CLCC1: variants seen among roughly 807,000 people sequenced by gnomAD.
CLCC1 encodes chloride channel CLIC-like protein 1.
A neutral mutation model predicts 63.3 loss-of-function variants in CLCC1; 39 were observed. That is an observed-to-expected ratio of 0.62 (90% confidence interval 0.48 to 0.81). The LOEUF (loss-of-function observed/expected upper bound fraction) is 0.81, where lower values mean the gene tolerates loss of function less well. CLCC1 is among the 30% of genes least tolerant of loss of function. The probability of loss-of-function intolerance (pLI) is 0.00; values close to 1 mark genes in which losing one functional copy is unlikely to be tolerated. For missense variants in CLCC1, 549 were observed against 669.4 expected, an observed-to-expected ratio of 0.82 and a Z score of 1.98; for synonymous variants, 217 against 239.8, an observed-to-expected ratio of 0.90 and a Z score of 0.88.
intron 2 of CLCC1, among the ~76,000 whole-genome samples, chr1:108,953,531 T>C (rs1268223641): frequency 1.3e-5 from 2 of 152,174 alleles, no homozygotes; most frequent in Non-Finnish European, 2.9e-5. Context: ...TAGGGAAAGA[T>C]AGTATCTTAC....
chr1:108,931,188 T>C lies in CLCC1; in HGVS notation c.*1359A>G, dbSNP rs886321348. On this transcript the variant is annotated 3_prime_UTR_variant, in exon 13 of 13. Transcript: ENST00000369969. ...AAAACAAAAAACAAAACCCATGTGG[T>C]TAGGTCAAGAACCTAGGACACATAA... 2.1e-6 allele frequency: 2 copies of C among 964,918 alleles called. No homozygotes were observed. The highest frequency in any genetic ancestry group is 2.9e-6 in the Non-Finnish European group (2 of 692,754). The allele number at this position is 964,918 out of a possible 1,614,324, so 59.8% of individuals were successfully genotyped here. A position where few individuals can be genotyped will look rare whatever the true frequency, so the allele number is the denominator to read the frequency against.
chr1:108,963,211 G>A (rs1218305554), intron 1 of CLCC1, 150 bp downstream of exon 1: 8 of 460,088 alleles, frequency 1.7e-5, no homozygotes, highest in Non-Finnish European at 3.1e-5. Flanking sequence ...ACAGGCCGCA[G>A]CGGACGCACG....
chr1:108,956,728 T>G (rs949751734), intron 2 of CLCC1, among the ~76,000 whole-genome samples: 4 of 150,406 alleles, frequency 2.7e-5, no homozygotes, highest in Non-Finnish European at 5.9e-5. Context: ...CAAGAACATT[T>G]AAGGAGAAAA....
chr1:108,934,495 C>CTTTTATAT (rs1652555777), intron 12 of CLCC1, 130 bp downstream of exon 12: 8 of 660,298 alleles, frequency 1.2e-5, no homozygotes, highest in Non-Finnish European at 2.0e-5. Context: ...ACATATATAA[C>CTTTTATAT]GTGTTTGTTA....
chr1:108,945,433 GAA>G (rs759242381), intron 5 of CLCC1, among the ~76,000 whole-genome samples: 7 of 152,192 alleles, frequency 4.6e-5, no homozygotes, highest in Non-Finnish European at 1.0e-4. Flanking sequence ...GCTGAAACAA[GAA>G]AACAGTTTTG....
At chr1:108,956,243 C>T (rs1300326726) in intron 2 of CLCC1, among the ~76,000 whole-genome samples, 1 of 151,352 alleles carries the variant, frequency 6.6e-6, no homozygotes, top group Non-Finnish European at 1.5e-5. Context: ...GGTTCCAGTC[C>T]AACCTCTGGT....
chr1:108,943,784 T>C, intron 6 of CLCC1, 52 bp downstream of exon 6: 1 of 1,497,622 alleles, frequency 6.7e-7, no homozygotes, highest in Middle Eastern at 1.7e-4. Context: ...GTTTGGAAAG[T>C]ATTTTAAAAA....
Position 108,940,037 on chromosome 1 carries a change from T to C in CLCC1, c.894+8A>G. The C allele has an allele frequency of 6.3e-7, 1 of 1,590,306 alleles. No individual in the cohort carries two copies. Among genetic ancestry groups the C allele is most frequent in the South Asian group, 1.1e-5 (1 of 88,832 alleles). On this transcript the variant is annotated splice_region_variant and intron_variant, in intron 9 of 12. Transcript: ENST00000369969. ...CTTTAAGTAATTTTTACAAAATATA[T>C]GCTATACCTTTGTTGGTGGGACCAA...
chr1:108,960,043 AG>A (rs1656422161), intron 2 of CLCC1, among the ~76,000 whole-genome samples: 1 of 152,120 alleles, frequency 6.6e-6, no homozygotes, highest in Non-Finnish European at 1.5e-5. Context: ...CTGAGGTGGG[AG>A]GATCACTTGA....
At position 108,950,311 on chromosome 1, in the gene CLCC1, G is replaced by C. The variant is rs1172032193; in HGVS notation, c.127C>G (p.Gln43Glu). ...CATGCACGAATTTTTTTTAATACCT[G>C]AGATTTTCTCATTGTTCCTGAAGCA... ...DAASGTMRKS[Q>E]AKYGISGEKD... Residue 43 changes from glutamine to glutamate, a missense_variant and splice_region_variant, in exon 3 of 13, where the codon CAG becomes GAG. By Grantham distance (29) the Gln-to-Glu change is conservative. Transcript: ENST00000369969. 6.2e-7 allele frequency: 1 copy of C among 1,611,136 alleles called. No individual in the cohort carries two copies. Among genetic ancestry groups the C allele is most frequent in the Non-Finnish European group, 8.5e-7 (1 of 1,178,654 alleles).
At chr1:108,955,999 T>C (rs911417742) in intron 2 of CLCC1, among the ~76,000 whole-genome samples, 6 of 151,578 alleles carry the variant, frequency 4.0e-5, no homozygotes, top group Non-Finnish European at 8.8e-5. Context: ...CCCATAATCA[T>C]ATGAGCTAAT....
At chr1:108,956,522 A>G (rs905653421) in intron 2 of CLCC1, among the ~76,000 whole-genome samples, 3 of 150,750 alleles carry the variant, frequency 2.0e-5, no homozygotes, top group Non-Finnish European at 2.9e-5. Context: ...TTAGCCGGGC[A>G]TGGTGGCACG....
At chr1:108,958,078 G>GCGAT (rs1395580592) in intron 2 of CLCC1, among the ~76,000 whole-genome samples, 4 of 151,324 alleles carry the variant, frequency 2.6e-5, no homozygotes, top group African/African-American at 9.9e-5. Context: ...AAGAGGTCAG[G>GCGAT]CGATCAGAGG....
chr1:108,948,650 G>GA (rs61417692), intron 4 of CLCC1, among the ~76,000 whole-genome samples: 67 of 138,098 alleles, frequency 4.9e-4, no homozygotes, highest in South Asian at 1.2e-3. Flanking sequence ...AACAACTTAG[G>GA]AAAAAAAAAA....
rs542670915 is a variant in CLCC1, at chr1:108,963,469, C to G, written c.-281G>C. The G allele has an allele frequency of 5.7e-6, 4 of 701,946 alleles. No individual in the cohort carries two copies. Among genetic ancestry groups the G allele is most frequent in the Non-Finnish European group, 1.0e-5 (4 of 384,576 alleles). 43.5% of individuals were successfully genotyped at this position (701,946 alleles called of 1,614,324 possible). A position where few individuals can be genotyped will look rare whatever the true frequency, so the allele number is the denominator to read the frequency against. ...GGGTTTCAGCGTGCTTCCTGGGCCT[C>G]GTCATCGAATTGTTCGGCTGACGGC... On this transcript the variant is annotated 5_prime_UTR_variant, in exon 1 of 13. Transcript: ENST00000369969.
rs1367688833 is a variant in CLCC1, at chr1:108,937,345, T to C, written c.1115A>G (p.Gln372Arg). The C allele has an allele frequency of 1.9e-6, 3 of 1,614,206 alleles. No homozygotes were observed. The highest frequency in any genetic ancestry group is 4.5e-5 in the East Asian group (2 of 44,888). ...TCTTCTATCCCGTGGCCGAAGTGCC[T>C]GGGGAGGTTCGCTCTCAGGACCGCC... ...HIGGPESEPP[Q>R]ALRPRDRRRQ... Residue 372 changes from glutamine to arginine, a missense_variant, in exon 11 of 13, where the codon CAG becomes CGG. Coordinates refer to ENST00000369969, the MANE Select transcript of CLCC1 (RefSeq NM_001377458.1).
Position 108,931,679 on chromosome 1 carries a change from T to C in CLCC1, c.*868A>G, listed in dbSNP as rs114769211. ...ACAACCTGGATTACATTATGTTTCA[T>C]GTATACTATAAGGTATGATGTCCTG... On this transcript the variant is annotated 3_prime_UTR_variant, in exon 13 of 13. Coordinates refer to ENST00000369969, the MANE Select transcript of CLCC1 (RefSeq NM_001377458.1). 2.1e-3 allele frequency: 1,548 copies of C among 749,298 alleles called. 23 individuals are homozygous for C. In the African/African-American group the frequency reaches 0.024, roughly 12 times the overall value. 46.4% of individuals were successfully genotyped at this position (749,298 alleles called of 1,614,324 possible). A position where few individuals can be genotyped will look rare whatever the true frequency, so the allele number is the denominator to read the frequency against.
rs367914389 is a variant in CLCC1, at chr1:108,930,890, CA to C, written c.*1656del. On this transcript the variant is annotated 3_prime_UTR_variant, in exon 13 of 13. Coordinates refer to ENST00000369969, the MANE Select transcript of CLCC1 (RefSeq NM_001377458.1). ...TGAGTGACAGAGCAAGACTCTGTCT[CA>C]AAAAAAAAAAAAACAGCAAGCATGC... The C allele has an allele frequency of 2.7e-3, 347 of 128,554 alleles. 2 individuals carry two copies. The highest frequency in any genetic ancestry group is 0.016 in the South Asian group (64 of 3,956). 8.0% of individuals were successfully genotyped at this position (128,554 alleles called of 1,614,324 possible). A position where few individuals can be genotyped will look rare whatever the true frequency, so the allele number is the denominator to read the frequency against.
chr1:108,931,684 A>T lies in CLCC1; in HGVS notation c.*863T>A, dbSNP rs954983473. 1 of 689,156 alleles carries T rather than the reference A, an allele frequency of 1.5e-6. No individual in the cohort carries two copies. The highest frequency in any genetic ancestry group is 2.2e-6 in the Non-Finnish European group (1 of 464,430). The allele number at this position is 689,156 out of a possible 1,614,324, so 42.7% of individuals were successfully genotyped here. On this transcript the variant is annotated 3_prime_UTR_variant, in exon 13 of 13. Coordinates refer to ENST00000369969, the MANE Select transcript of CLCC1 (RefSeq NM_001377458.1). ...CTGGATTACATTATGTTTCATGTAT[A>T]CTATAAGGTATGATGTCCTGGATAG...
Sources: allele counts gnomAD v4.1 joint callset (sites outside exome capture counted in the v4.1 genomes callset), GRCh38; gene constraint gnomAD v4.1.1; transcripts MANE v1.5; gene names NCBI Gene and HGNC (gene_info 2026-07-23, HGNC 2026-07-21).